Variants in PPARGC1A observed in about 807,000 individuals in gnomAD.
The protein encoded by PPARGC1A is PPARG coactivator 1 alpha.
A neutral mutation model predicts 88.7 loss-of-function variants in PPARGC1A; 25 were observed. The ratio of observed to expected loss-of-function variants is 0.28; its 90% CI spans 0.21 to 0.39. The LOEUF (loss-of-function observed/expected upper bound fraction) is 0.39. PPARGC1A is among the 10% of genes least tolerant of loss of function. The pLI is 1.00. For missense variants in PPARGC1A, 880 were observed against 968.7 expected, an observed-to-expected ratio of 0.91 and a Z score of 1.22; for synonymous variants, 363 against 355.6, an observed-to-expected ratio of 1.02 and a Z score of -0.24.
chr4:23,867,708 T>A (rs1307252104), intron 2 of PPARGC1A, among the ~76,000 whole-genome samples: 2 of 152,222 alleles, frequency 1.3e-5, no homozygotes, highest in African/African-American at 4.8e-5. Flanking sequence ...AAGATCTGAA[T>A]GCCTTGAGAA....
the PPARGC1A span, among the ~76,000 whole-genome samples, chr4:24,009,699 C>G: frequency 3.9e-5 from 6 of 152,282 alleles, no homozygotes; most frequent in South Asian, 1.0e-3. Flanking sequence ...GATGAGATCT[C>G]AGTTTCAGAA....
At chr4:23,881,563 G>A (rs115063651) in intron 2 of PPARGC1A, among the ~76,000 whole-genome samples, 1,595 of 152,284 alleles carry the variant, frequency 0.01, 8 homozygotes, top group Non-Finnish European at 0.015. Flanking sequence ...AACATTTTAA[G>A]ACTCTGCCAC....
chr4:24,424,591 A>T, the PPARGC1A span, among the ~76,000 whole-genome samples: 1 of 152,078 alleles, frequency 6.6e-6, no homozygotes, highest in South Asian at 2.1e-4. Context: ...CACACTTTTT[A>T]AGTAAACATC....
chr4:24,063,766 G>A, the PPARGC1A span, among the ~76,000 whole-genome samples: 1 of 152,168 alleles, frequency 6.6e-6, no homozygotes, highest in East Asian at 1.9e-4. Flanking sequence ...CATCTCGACA[G>A]TCACCTGCAA....
chr4:24,193,787 T>C, the PPARGC1A span, among the ~76,000 whole-genome samples: 1 of 152,088 alleles, frequency 6.6e-6, no homozygotes, highest in East Asian at 1.9e-4. Context: ...CTGTTTGTGC[T>C]CCAGAGTCAA....
intron 2 of PPARGC1A, chr4:23,884,490 T>A (rs1436644055): frequency 2.5e-6 from 1 of 405,148 alleles, no homozygotes; most frequent in Admixed American, 4.3e-5. Flanking sequence ...AACCCTTTAG[T>A]ATTTCAACAC....
the PPARGC1A span, among the ~76,000 whole-genome samples, chr4:24,042,782 A>G: frequency 2.0e-5 from 3 of 152,212 alleles, no homozygotes; most frequent in African/African-American, 7.2e-5. Flanking sequence ...CTATGGGTAT[A>G]TAAATTATTC....
the PPARGC1A span, among the ~76,000 whole-genome samples, chr4:24,448,403 C>T: frequency 5.3e-5 from 8 of 152,232 alleles, no homozygotes; most frequent in Admixed American, 5.2e-4. Context: ...GAGCCCCTCA[C>T]TTTCCTCCTG....
the PPARGC1A span, among the ~76,000 whole-genome samples, chr4:24,271,055 T>C: frequency 6.6e-6 from 1 of 152,228 alleles, no homozygotes; most frequent in African/African-American, 2.4e-5. Flanking sequence ...CGCTGCCTTA[T>C]ATTTCAAATT....
the PPARGC1A span, among the ~76,000 whole-genome samples, chr4:24,116,755 G>A: frequency 6.6e-6 from 1 of 152,138 alleles, no homozygotes; most frequent in Admixed American, 6.5e-5. Context: ...TTTAACAAGG[G>A]CTGAAACTAA....
At chr4:24,146,118 C>T in the PPARGC1A span, among the ~76,000 whole-genome samples, 2 of 152,194 alleles carry the variant, frequency 1.3e-5, no homozygotes, top group South Asian at 4.1e-4. Flanking sequence ...GTCTTCTGAA[C>T]CTCCAAGATG....
the PPARGC1A span, among the ~76,000 whole-genome samples, chr4:24,108,903 A>G: frequency 1.3e-5 from 2 of 152,122 alleles, no homozygotes; most frequent in Non-Finnish European, 2.9e-5. Flanking sequence ...AGGAAGATTT[A>G]AAATACTGGA....
chr4:24,002,097 C>CACAGAGAGAGAG, the PPARGC1A span, among the ~76,000 whole-genome samples: 78 of 125,364 alleles, frequency 6.2e-4, 1 homozygote, highest in Middle Eastern at 7.9e-3. Flanking sequence ...CACACACACA[C>CACAGAGAGAGAG]AGAGAGAGAG....
chr4:24,431,242 T>G, the PPARGC1A span, among the ~76,000 whole-genome samples: 1 of 151,772 alleles, frequency 6.6e-6, no homozygotes, highest in Non-Finnish European at 1.5e-5. Context: ...ACAGTGGGGA[T>G]GCAGGAGAGA....
chr4:24,305,087 G>C, the PPARGC1A span, among the ~76,000 whole-genome samples: 2 of 150,316 alleles, frequency 1.3e-5, no homozygotes, highest in Non-Finnish European at 3.0e-5. Context: ...TAAGAATGGT[G>C]GTTGTTTGGG....
the PPARGC1A span, among the ~76,000 whole-genome samples, chr4:24,369,821 C>T: frequency 5.3e-5 from 8 of 152,290 alleles, no homozygotes; most frequent in East Asian, 1.9e-4. Flanking sequence ...CTTTCGTGCC[C>T]GCCAACCCTC....
chr4:24,087,301 T>C, the PPARGC1A span, among the ~76,000 whole-genome samples: 413 of 152,316 alleles, frequency 2.7e-3, 5 homozygotes, highest in East Asian at 0.051. Flanking sequence ...CCAATTTCAC[T>C]TAGTTTTGAC....
chr4:23,935,562 G>C, the PPARGC1A span, among the ~76,000 whole-genome samples: 4 of 152,126 alleles, frequency 2.6e-5, no homozygotes, highest in African/African-American at 7.2e-5. Context: ...CATGTAAATA[G>C]TGCTCCCCAG....
chr4:24,256,266 ACT>A, the PPARGC1A span, among the ~76,000 whole-genome samples: 1 of 152,118 alleles, frequency 6.6e-6, no homozygotes, highest in Non-Finnish European at 1.5e-5. Context: ...CATGGAAAGC[ACT>A]CTGTTGCCAA....
Sources: gnomAD v4.1 joint callset for allele counts (sites outside exome capture counted in the v4.1 genomes callset) on GRCh38, gnomAD v4.1.1 for gene constraint, MANE v1.5 for transcripts, NCBI Gene and HGNC (gene_info 2026-07-23, HGNC 2026-07-21) for gene names.